SV2C: variants seen among roughly 807,000 people sequenced by gnomAD.
SV2C encodes the protein synaptic vesicle glycoprotein 2C.
Under a neutral mutation model 79.7 loss-of-function variants are expected in SV2C, and 49 were observed. That is an observed-to-expected ratio of 0.61 (90% CI 0.49 to 0.78). The LOEUF (loss-of-function observed/expected upper bound fraction) is 0.78, where lower values mean the gene tolerates loss of function less well. Among genes scored for constraint, SV2C ranks in the 30% least tolerant of loss-of-function variants. The pLI, the probability that SV2C is intolerant of heterozygous loss-of-function variation, is 0.00. For synonymous variants in SV2C, 334 were observed against 333.2 expected, an observed-to-expected ratio of 1.00 and a Z score of -0.03; for missense variants, 833 against 912.9, an observed-to-expected ratio of 0.91 and a Z score of 1.13.
intron 4 of SV2C, among the ~76,000 whole-genome samples, chr5:76,253,074 T>A (rs1746161332): frequency 6.6e-6 from 1 of 152,224 alleles, no homozygotes; most frequent in African/African-American, 2.4e-5. Flanking sequence ...GAGCTTGTGG[T>A]CACAGGACTC....
intron 1 of SV2C, among the ~76,000 whole-genome samples, chr5:76,086,619 C>G: frequency 7.6e-6 from 1 of 131,712 alleles, no homozygotes; most frequent in East Asian, 2.4e-4. Flanking sequence ...GTTTGTAAAC[C>G]CAGGAAAGGC....
At chr5:76,170,753 T>C (rs1743196760) in intron 2 of SV2C, among the ~76,000 whole-genome samples, 1 of 148,996 alleles carries the variant, frequency 6.7e-6, no homozygotes, top group African/African-American at 2.4e-5. Flanking sequence ...CACAGGTTTT[T>C]TAAAAATTAA....
chr5:76,204,518 G>C (rs546013487), intron 3 of SV2C, among the ~76,000 whole-genome samples: 9 of 152,320 alleles, frequency 5.9e-5, no homozygotes, highest in African/African-American at 2.2e-4. Context: ...GGAAATGGAA[G>C]ATTGAGGTAA....
At chr5:75,929,434 C>T in the SV2C span, among the ~76,000 whole-genome samples, 1 of 151,938 alleles carries the variant, frequency 6.6e-6, no homozygotes, top group East Asian at 1.9e-4. Context: ...GGGAACTTAT[C>T]TGGCCTCTAT....
chr5:76,023,022 A>G, the SV2C span, among the ~76,000 whole-genome samples: 1 of 152,186 alleles, frequency 6.6e-6, no homozygotes, highest in Non-Finnish European at 1.5e-5. Flanking sequence ...GCCCCTGTAG[A>G]TGTATATCCA....
chr5:76,110,318 C>T (rs1298085666), intron 1 of SV2C, among the ~76,000 whole-genome samples: 2 of 152,034 alleles, frequency 1.3e-5, no homozygotes, highest in African/African-American at 2.4e-5. Flanking sequence ...TTGTTGTGCT[C>T]GTTGGGAAGT....
chr5:76,154,824 C>T (rs1284982974), intron 2 of SV2C, among the ~76,000 whole-genome samples: 2 of 152,048 alleles, frequency 1.3e-5, no homozygotes, highest in Non-Finnish European at 2.9e-5. Flanking sequence ...AGAAAAGGAA[C>T]ACAAAACCAC....
At chr5:75,890,060 C>G in the SV2C span, among the ~76,000 whole-genome samples, 1 of 152,078 alleles carries the variant, frequency 6.6e-6, no homozygotes, top group African/African-American at 2.4e-5. Flanking sequence ...TAAAGAATTA[C>G]AGATTTAGTA....
chr5:76,031,639 A>G, the SV2C span, among the ~76,000 whole-genome samples: 4 of 152,216 alleles, frequency 2.6e-5, no homozygotes, highest in African/African-American at 9.6e-5. Context: ...TATCTTGCCC[A>G]TAAAAGACTG....
chr5:75,854,218 T>C, the SV2C span, among the ~76,000 whole-genome samples: 1 of 152,202 alleles, frequency 6.6e-6, no homozygotes, highest in African/African-American at 2.4e-5. Context: ...CATTTCTTTT[T>C]ATTGCTGAGT....
intron 4 of SV2C, among the ~76,000 whole-genome samples, chr5:76,276,113 T>A (rs532003272): frequency 4.6e-5 from 7 of 152,354 alleles, no homozygotes; most frequent in African/African-American, 1.7e-4. Context: ...GATTTTGTAG[T>A]GTAGGCTTTG....
chr5:76,319,032 CTATT>C (rs2112557017), intron 12 of SV2C, among the ~76,000 whole-genome samples: 1 of 152,256 alleles, frequency 6.6e-6, no homozygotes, highest in South Asian at 2.1e-4. Flanking sequence ...AACTAAAAGC[CTATT>C]TATTTTATAA....
At chr5:76,078,773 A>G (rs1746927805), upstream of SV2C, 4 of 583,972 alleles carry the variant, frequency 6.8e-6, no homozygotes, top group South Asian at 5.7e-5. Context: ...AGGGGATGGC[A>G]GAGTCTGCAC....
intron 12 of SV2C, among the ~76,000 whole-genome samples, chr5:76,342,332 C>T (rs1038358261): frequency 6.6e-6 from 1 of 152,286 alleles, no homozygotes; most frequent in East Asian, 1.9e-4. Context: ...TGAGTCTTTT[C>T]CAGGTGCAGC....
At chr5:75,851,664 G>A in the SV2C span, among the ~76,000 whole-genome samples, 7 of 151,580 alleles carry the variant, frequency 4.6e-5, no homozygotes, top group South Asian at 2.1e-4. Flanking sequence ...TTTCTGAGAC[G>A]GAGTCTTGCT....
At chr5:75,860,903 C>A in the SV2C span, among the ~76,000 whole-genome samples, 2 of 152,128 alleles carry the variant, frequency 1.3e-5, no homozygotes, top group African/African-American at 2.4e-5. Flanking sequence ...CTGAAACCGA[C>A]CCCCTACCTT....
chr5:75,932,451 T>G, the SV2C span, among the ~76,000 whole-genome samples: 7 of 95,224 alleles, frequency 7.4e-5, no homozygotes, highest in Non-Finnish European at 1.9e-5. Flanking sequence ...GAGTGCAAAG[T>G]GGGATCGGGG....
chr5:76,352,231 A>ACAAAG (rs1278797535), intron 12 of SV2C, among the ~76,000 whole-genome samples: 1 of 152,064 alleles, frequency 6.6e-6, no homozygotes, highest in Admixed American at 6.6e-5. Flanking sequence ...ACAAAACAAA[A>ACAAAG]CAAAAACATC....
At chr5:75,949,582 C>T in the SV2C span, among the ~76,000 whole-genome samples, 4 of 151,986 alleles carry the variant, frequency 2.6e-5, no homozygotes, top group Admixed American at 6.6e-5. Flanking sequence ...GAAGTTCCCC[C>T]ATACTGTTCC....
Sources: gnomAD v4.1 joint callset for allele counts (sites outside exome capture counted in the v4.1 genomes callset) on GRCh38, gnomAD v4.1.1 for gene constraint, MANE v1.5 for transcripts, NCBI Gene and HGNC (gene_info 2026-07-23, HGNC 2026-07-21) for gene names.